DCBLD1: variants seen among roughly 807,000 people sequenced by gnomAD.
DCBLD1 encodes discoidin, CUB and LCCL domain containing 1, also known as discoidin, CUB and LCCL domain-containing protein 1.
Under a neutral mutation model 71.5 loss-of-function variants are expected in DCBLD1, and 57 were observed. That is an observed-to-expected ratio of 0.80 (90% confidence interval 0.64 to 0.99). The LOEUF (loss-of-function observed/expected upper bound fraction) is 0.99. Ranked by LOEUF, DCBLD1 falls within the 50% of genes least tolerant of loss-of-function variation. DCBLD1 has a pLI of 0.00. For synonymous variants in DCBLD1, 380 were observed against 363.8 expected, an observed-to-expected ratio of 1.04 and a Z score of -0.51; for missense variants, 891 against 923.5, an observed-to-expected ratio of 0.96 and a Z score of 0.46.
At chr6:117,517,613 C>T (rs1778246510) in intron 2 of DCBLD1, among the ~76,000 whole-genome samples, 1 of 152,224 alleles carries the variant, frequency 6.6e-6, no homozygotes, top group African/African-American at 2.4e-5. Flanking sequence ...GCCTGGGCAT[C>T]CAGACATTTC....
chr6:117,521,501 T>C, intron 3 of DCBLD1, 24 bp from the exon 4 acceptor site: 3 of 1,551,466 alleles, frequency 1.9e-6, no homozygotes, highest in Non-Finnish European at 2.6e-6. Context: ...TTCTATTAAT[T>C]GCAATTATCT....
intron 2 of DCBLD1, among the ~76,000 whole-genome samples, chr6:117,507,333 C>A (rs929168833): frequency 2.6e-5 from 4 of 152,172 alleles, no homozygotes; most frequent in African/African-American, 9.6e-5. Context: ...AGTAATCCAG[C>A]AAAATATGCA....
chr6:117,499,507 A>G (rs1313791944), intron 1 of DCBLD1, among the ~76,000 whole-genome samples: 1 of 152,190 alleles, frequency 6.6e-6, no homozygotes, highest in African/African-American at 2.4e-5. Flanking sequence ...CCTCACTTCC[A>G]TCCCCAGCCA....
At chr6:117,556,921 G>A (rs952243467) in intron 14 of DCBLD1, among the ~76,000 whole-genome samples, 4 of 152,078 alleles carry the variant, frequency 2.6e-5, no homozygotes, top group East Asian at 1.9e-4. Context: ...TCTGATTGGT[G>A]TAAGATGATA....
At chr6:117,566,195 C>A (rs1587574) in intron 14 of DCBLD1, among the ~76,000 whole-genome samples, 1 of 151,906 alleles carries the variant, frequency 6.6e-6, no homozygotes, top group African/African-American at 2.4e-5. Flanking sequence ...AACCAGATAC[C>A]ATCAGTGCAA....
intron 3 of DCBLD1, among the ~76,000 whole-genome samples, 159 bp from the exon 4 acceptor site, chr6:117,521,365 AC>A (rs1320408818): frequency 6.6e-6 from 1 of 152,240 alleles, no homozygotes; most frequent in Non-Finnish European, 1.5e-5. Flanking sequence ...AATACTGGAG[AC>A]AGTGATTCTC....
intron 5 of DCBLD1, among the ~76,000 whole-genome samples, chr6:117,530,838 A>G (rs1778693697): frequency 6.6e-6 from 1 of 152,204 alleles, no homozygotes. Context: ...AAAGATGAAA[A>G]AGCAACCTGC....
intron 6 of DCBLD1, among the ~76,000 whole-genome samples, chr6:117,532,927 A>C (rs1156314455): frequency 1.3e-5 from 2 of 152,210 alleles, no homozygotes; most frequent in Non-Finnish European, 2.9e-5. Context: ...CATGAGAAAA[A>C]AAATGTGTTA....
In DCBLD1 at chr6:117,543,197, T is replaced by C. The variant is rs199594246; in HGVS notation, c.1431T>C (p.Phe477=). The change falls in exon 12 of 15, where the codon TTT becomes TTC. Residue 477 remains phenylalanine, a synonymous_variant. Transcript: ENST00000338728. ...VVLVFAGMGI[F]AAFRKKKKKG... is the part of the protein sequence containing the mutation. ...TGGTGTTTGCTGGAATGGGGATCTT[T>C]GCAGCCTTTAGAAAGTATGGTGACT... 1,849 of 1,614,130 alleles carry C rather than the reference T, an allele frequency of 1.1e-3. 41 individuals are homozygous for C. The South Asian group carries it at 0.019, about 17-fold the overall frequency.
At chr6:117,531,545 C>T (rs1329193825) in intron 5 of DCBLD1, among the ~76,000 whole-genome samples, 1 of 152,210 alleles carries the variant, frequency 6.6e-6, no homozygotes, top group Non-Finnish European at 1.5e-5. Flanking sequence ...CTGCTGAGAC[C>T]TCACACTGAA....
chr6:117,524,944 C>T (rs888514070), intron 4 of DCBLD1, among the ~76,000 whole-genome samples: 13 of 152,132 alleles, frequency 8.5e-5, no homozygotes, highest in African/African-American at 3.1e-4. Flanking sequence ...ATCCTACTCC[C>T]AGAGAGAATC....
chr6:117,526,582 T>A (rs1464832138), intron 5 of DCBLD1, among the ~76,000 whole-genome samples: 1 of 152,218 alleles, frequency 6.6e-6, no homozygotes, highest in African/African-American at 2.4e-5. Flanking sequence ...GCATAACAGG[T>A]AAATGGTTTC....
intron 4 of DCBLD1, among the ~76,000 whole-genome samples, chr6:117,522,493 G>A (rs1778417568): frequency 6.6e-6 from 1 of 151,884 alleles, no homozygotes; most frequent in African/African-American, 2.4e-5. Flanking sequence ...CCAGGCTGGA[G>A]TGCAGTGGTA....
At chr6:117,539,557 TC>T in intron 9 of DCBLD1, 178 bp downstream of exon 9, 1 of 634,534 alleles carries the variant, frequency 1.6e-6, no homozygotes, top group Non-Finnish European at 2.4e-6. Flanking sequence ...TTTGAGACCA[TC>T]CTGGGCAACA....
chr6:117,568,287 C>A (rs895109572), intron 14 of DCBLD1, among the ~76,000 whole-genome samples: 2 of 152,210 alleles, frequency 1.3e-5, no homozygotes, highest in African/African-American at 4.8e-5. Flanking sequence ...ACTCCAACCA[C>A]TACATATAAG....
chr6:117,542,894 T>C (rs1311113298), intron 11 of DCBLD1, among the ~76,000 whole-genome samples: 2 of 152,134 alleles, frequency 1.3e-5, no homozygotes, highest in Admixed American at 6.5e-5. Flanking sequence ...CTGAGGAACA[T>C]TGGAAACTGT....
chr6:117,489,228 C>T (rs1395619747), intron 1 of DCBLD1, among the ~76,000 whole-genome samples: 1 of 152,116 alleles, frequency 6.6e-6, no homozygotes, highest in Non-Finnish European at 1.5e-5. Context: ...GAAGCATGTG[C>T]ATCACATAGT....
At chr6:117,524,502 C>G (rs943960993) in intron 4 of DCBLD1, among the ~76,000 whole-genome samples, 1 of 152,078 alleles carries the variant, frequency 6.6e-6, no homozygotes, top group Non-Finnish European at 1.5e-5. Flanking sequence ...CTGTGTCCGG[C>G]CTTGGAATCC....
intron 1 of DCBLD1, among the ~76,000 whole-genome samples, chr6:117,483,368 G>C (rs962661528): frequency 1.3e-5 from 2 of 152,212 alleles, no homozygotes; most frequent in Non-Finnish European, 1.5e-5. Flanking sequence ...CTCCCGCGCG[G>C]AATTGGAATC....
Sources: gnomAD v4.1 joint callset for allele counts (sites outside exome capture counted in the v4.1 genomes callset) on GRCh38, gnomAD v4.1.1 for gene constraint, MANE v1.5 for transcripts, NCBI Gene and HGNC (gene_info 2026-07-23, HGNC 2026-07-21) for gene names.